Variants in PSD3 observed in about 807,000 individuals in gnomAD.
PSD3 encodes the protein pleckstrin and Sec7 domain containing 3.
Under a neutral mutation model 105.5 loss-of-function variants are expected in PSD3, and 49 were observed. That is an observed-to-expected ratio of 0.46 (90% confidence interval 0.37 to 0.59). PSD3 has a LOEUF of 0.59. Ranked by LOEUF, PSD3 falls within the 20% of genes least tolerant of loss-of-function variation. The pLI is 0.00. For synonymous variants in PSD3, 557 were observed against 457.8 expected (o/e 1.22, Z -2.77); for missense variants, 1,561 against 1,263.8 (o/e 1.24, Z -3.57).
At chr8:18,885,999 T>G in intron 2 of PSD3, among the ~76,000 whole-genome samples, 1 of 152,134 alleles carries the variant, frequency 6.6e-6, no homozygotes, top group Admixed American at 6.5e-5. Flanking sequence ...AAGCTGTACT[T>G]CAGGCACACA....
At chr8:18,688,227 G>A (rs1800771953) in intron 9 of PSD3, among the ~76,000 whole-genome samples, 1 of 151,758 alleles carries the variant, frequency 6.6e-6, no homozygotes, top group Non-Finnish European at 1.5e-5. Context: ...AGGACTACAG[G>A]CATGCACCTG....
intron 9 of PSD3, among the ~76,000 whole-genome samples, chr8:18,682,376 C>T (rs1451095474): frequency 6.6e-6 from 1 of 152,196 alleles, no homozygotes; most frequent in East Asian, 1.9e-4. Context: ...CATACATGCT[C>T]ACATACATTT....
chr8:19,066,710 A>T (rs922665562), intron 1 of PSD3, among the ~76,000 whole-genome samples: 3 of 152,220 alleles, frequency 2.0e-5, no homozygotes, highest in African/African-American at 7.2e-5. Flanking sequence ...ATAAACTAGA[A>T]ACAATAATAG....
chr8:18,556,471 G>A (rs1801081433), intron 14 of PSD3, 119 bp from the exon 15 acceptor site: 3 of 984,468 alleles, frequency 3.0e-6, no homozygotes, highest in Non-Finnish European at 3.0e-6. Flanking sequence ...ACAGCCCAAT[G>A]TGCCTCTGCT....
chr8:18,573,645 A>G (rs2634425), intron 13 of PSD3, among the ~76,000 whole-genome samples: 151,711 of 152,240 alleles, frequency 1, 75,596 homozygotes, highest in Middle Eastern at 1. Context: ...ACTACAATAC[A>G]GATAAACTTC....
intron 9 of PSD3, among the ~76,000 whole-genome samples, chr8:18,717,696 C>T (rs1474135661): frequency 6.6e-6 from 1 of 152,196 alleles, no homozygotes. Flanking sequence ...CCACTTGAGT[C>T]AACTCCTGAC....
At chr8:18,625,768 T>C (rs1283490475) in intron 11 of PSD3, among the ~76,000 whole-genome samples, 1 of 152,184 alleles carries the variant, frequency 6.6e-6, no homozygotes, top group African/African-American at 2.4e-5. Context: ...GATCAGTGTC[T>C]TCATGTATAA....
At chr8:18,841,719 C>A (rs188172482) in intron 4 of PSD3, among the ~76,000 whole-genome samples, 9 of 152,198 alleles carry the variant, frequency 5.9e-5, no homozygotes, top group African/African-American at 2.2e-4. Flanking sequence ...CTCCATCTGG[C>A]GCTAACATGA....
chr8:19,067,143 C>T (rs765571227), intron 1 of PSD3, among the ~76,000 whole-genome samples: 11 of 152,084 alleles, frequency 7.2e-5, no homozygotes, highest in South Asian at 4.1e-4. Context: ...GATCAGTTTG[C>T]GGGAACTGTA....
chr8:18,614,054 G>T (rs2130664471), intron 11 of PSD3, among the ~76,000 whole-genome samples: 1 of 152,212 alleles, frequency 6.6e-6, no homozygotes, highest in Middle Eastern at 3.4e-3. Context: ...ATTCCTAAGG[G>T]CCCAATAAAT....
chr8:18,733,694 T>C (rs1046715070), intron 9 of PSD3: 1 of 152,606 alleles, frequency 6.6e-6, no homozygotes, highest in African/African-American at 2.4e-5. Flanking sequence ...TCCTGGTTTA[T>C]CATCATTCCT....
intron 4 of PSD3, among the ~76,000 whole-genome samples, chr8:18,850,716 T>C (rs1463717921): frequency 1.3e-5 from 2 of 152,124 alleles, no homozygotes; most frequent in Admixed American, 6.5e-5. Flanking sequence ...AAAAAGGTCT[T>C]GTAGCTCAAC....
At chr8:18,861,932 T>C (rs1185197511) in intron 4 of PSD3, among the ~76,000 whole-genome samples, 1 of 151,892 alleles carries the variant, frequency 6.6e-6, no homozygotes, top group Non-Finnish European at 1.5e-5. Context: ...TTCTCTTCAG[T>C]CTCAACCCTC....
At position 18,889,175 on chromosome 8, in the gene PSD3, T is replaced by A. The variant is rs138095984; in HGVS notation, c.131-16442A>T. On this transcript the variant is annotated intron_variant, in intron 2 of 15. Transcript: ENST00000327040. The stretch of plus-strand genomic sequence containing the variant: ...AATAAATTACTTACATGTTCTCTAG[T>A]CTTTTACAGCACCATCTCTTAAAAA... Among the ~76,000 whole-genome samples the A allele has an allele frequency of 3.9e-3, 591 of 152,332 alleles. 3 individuals carry two copies. The highest frequency in any genetic ancestry group is 3.9e-3 in the Non-Finnish European group (263 of 68,038).
At chr8:19,030,584 TC>T (rs925486518) in intron 1 of PSD3, among the ~76,000 whole-genome samples, 2 of 152,122 alleles carry the variant, frequency 1.3e-5, no homozygotes, top group Non-Finnish European at 2.9e-5. Context: ...ACTTGTCCTC[TC>T]CCCCTTCACC....
At chr8:18,947,485 G>A (rs1473290939) in intron 1 of PSD3, among the ~76,000 whole-genome samples, 1 of 152,128 alleles carries the variant, frequency 6.6e-6, no homozygotes, top group African/African-American at 2.4e-5. Context: ...TGTGAAAGAC[G>A]CTCCCCTGGG....
intron 1 of PSD3, among the ~76,000 whole-genome samples, chr8:19,060,839 C>G (rs1293662547): frequency 6.6e-6 from 1 of 152,226 alleles, no homozygotes; most frequent in Non-Finnish European, 1.5e-5. Flanking sequence ...AGCAACCAGT[C>G]ATGCAAGGGC....
At chr8:18,973,545 T>C (rs747270376) in intron 1 of PSD3, among the ~76,000 whole-genome samples, 2 of 152,170 alleles carry the variant, frequency 1.3e-5, no homozygotes, top group Non-Finnish European at 2.9e-5. Flanking sequence ...GGCCCATCCT[T>C]ATGACCCCAT....
At chr8:18,838,931 G>C (rs1238919925) in intron 4 of PSD3, among the ~76,000 whole-genome samples, 1 of 151,782 alleles carries the variant, frequency 6.6e-6, no homozygotes, top group Non-Finnish European at 1.5e-5. Flanking sequence ...GGTCTTATTT[G>C]TTTCTCAATC....
Sources: gnomAD v4.1 joint callset for allele counts (sites outside exome capture counted in the v4.1 genomes callset) on GRCh38, gnomAD v4.1.1 for gene constraint, MANE v1.5 for transcripts, NCBI Gene and HGNC (gene_info 2026-07-23, HGNC 2026-07-21) for gene names.